Variants in DOCK2 observed in about 807,000 individuals in gnomAD.
DOCK2 encodes dedicator of cytokinesis protein 2.
DOCK2 carries 87 observed loss-of-function variants against 248.9 expected under a neutral mutation model. That is an observed-to-expected ratio of 0.35 (90% CI 0.29 to 0.42). The LOEUF is 0.42. Ranked by LOEUF, DOCK2 falls within the 10% of genes least tolerant of loss-of-function variation. DOCK2 has a pLI of 1.00. For missense variants in DOCK2, 1,747 were observed against 2,300.2 expected (o/e 0.76, Z 4.92); for synonymous variants, 805 against 821.6 (o/e 0.98, Z 0.35).
intron 2 of DOCK2, among the ~76,000 whole-genome samples, chr5:169,663,854 T>A (rs952452930): frequency 6.6e-6 from 1 of 152,010 alleles, no homozygotes; most frequent in African/African-American, 2.4e-5. Context: ...CCTGGAGACA[T>A]TTTCCCTACT....
intron 25 of DOCK2, among the ~76,000 whole-genome samples, chr5:169,773,449 C>T (rs967355818): frequency 1.3e-5 from 2 of 150,432 alleles, no homozygotes; most frequent in East Asian, 2.0e-4. Context: ...ATAAACTCTT[C>T]GTGTGTGTGT....
At chr5:170,029,393 T>C (rs915494537) in intron 34 of DOCK2, among the ~76,000 whole-genome samples, 2 of 152,204 alleles carry the variant, frequency 1.3e-5, no homozygotes, top group Admixed American at 6.5e-5. Flanking sequence ...GGGTCGCTTG[T>C]ATATCTTTGG....
Position 169,899,801 on chromosome 5 carries a change from G to A in DOCK2, c.2799+58949G>A, listed in dbSNP as rs201478318. On this transcript the variant is annotated intron_variant, in intron 27 of 51. Transcript: ENST00000520908. ...ATGTGTTCACAGTGTTGTGCCTTTTGTTGACTCCATAAGTTTTTATTCTTA... is the reference window on the plus strand; with the variant it reads ...ATGTGTTCACAGTGTTGTGCCTTTTATTGACTCCATAAGTTTTTATTCTTA... Among the ~76,000 whole-genome samples the A allele has an allele frequency of 1.8e-4, 28 of 152,204 alleles. No individual in the cohort carries two copies. The East Asian group carries it at 3.9e-3, about 21-fold the overall frequency.
intron 27 of DOCK2, among the ~76,000 whole-genome samples, chr5:169,896,971 A>G (rs924378139): frequency 6.6e-6 from 1 of 152,260 alleles, no homozygotes; most frequent in African/African-American, 2.4e-5. Flanking sequence ...GAAAGGGAAT[A>G]TAGTAAGACA....
rs372147309 is a variant in DOCK2 at position 169,824,753 on chromosome 5, G to A, written c.2704-16004G>A. 1.9e-4 allele frequency among the ~76,000 whole-genome samples: 29 copies of A among 152,248 alleles called. No individual in the cohort carries two copies. In the East Asian group the frequency reaches 3.9e-3, roughly 20 times the overall value. ...CTAAAACACCAAAAGCAATGGCAACGAAAGCCAAAATTGACAAATGCAATC... is the reference window on the plus strand; with the variant it reads ...CTAAAACACCAAAAGCAATGGCAACAAAAGCCAAAATTGACAAATGCAATC... On this transcript the variant is annotated intron_variant, in intron 26 of 51. Transcript: ENST00000520908.
At chr5:169,861,983 G>T (rs1369312772) in intron 27 of DOCK2, among the ~76,000 whole-genome samples, 2 of 149,122 alleles carry the variant, frequency 1.3e-5, no homozygotes, top group East Asian at 2.0e-4. Flanking sequence ...ACATTTTCTA[G>T]TCCCAGTTTT....
chr5:169,983,944 A>G (rs572265547), intron 28 of DOCK2, among the ~76,000 whole-genome samples: 1 of 152,326 alleles, frequency 6.6e-6, no homozygotes, highest in South Asian at 2.1e-4. Flanking sequence ...AAGAAATGGA[A>G]CTTTTCCCTC....
intron 33 of DOCK2, 97 bp downstream of exon 33, chr5:170,019,205 G>C (rs1032162043): frequency 6.8e-5 from 107 of 1,568,650 alleles, no homozygotes; most frequent in Non-Finnish European, 7.1e-5. Context: ...GCTTCATTGA[G>C]AGGCTCGGCG....
At chr5:169,777,838 G>T (rs1020781957) in intron 25 of DOCK2, among the ~76,000 whole-genome samples, 4 of 152,178 alleles carry the variant, frequency 2.6e-5, no homozygotes, top group African/African-American at 9.7e-5. Flanking sequence ...ACTATTATTT[G>T]CAGTCATCTG....
At chr5:170,004,583 C>G (rs1208845739) in intron 30 of DOCK2, among the ~76,000 whole-genome samples, 1 of 151,314 alleles carries the variant, frequency 6.6e-6, no homozygotes, top group Non-Finnish European at 1.5e-5. Context: ...ACCCAAATGA[C>G]TATAAATCAT....
intron 27 of DOCK2, chr5:169,881,249 A>G (rs1581348740): frequency 2.6e-6 from 2 of 782,608 alleles, no homozygotes; most frequent in South Asian, 3.3e-5. Context: ...TTAACATTTC[A>G]TAGTTAAATA....
chr5:170,079,261 C>T (rs941309562), intron 49 of DOCK2, 115 bp downstream of exon 49: 49 of 1,390,018 alleles, frequency 3.5e-5, no homozygotes, highest in Middle Eastern at 5.1e-4. Context: ...CACTGCGGTG[C>T]TATGGGTATT....
intron 10 of DOCK2, among the ~76,000 whole-genome samples, chr5:169,697,662 G>A (rs1336715758): frequency 6.6e-6 from 1 of 152,160 alleles, no homozygotes; most frequent in Non-Finnish European, 1.5e-5. Flanking sequence ...TCTAGATGCA[G>A]TCAGTGGTTG....
In DOCK2 at chr5:169,680,603, C is replaced by G. The variant is rs528104451; in HGVS notation, c.471-1141C>G. Among the ~76,000 whole-genome samples, 5 of 152,260 alleles carry G rather than the reference C, an allele frequency of 3.3e-5. No individual in the cohort carries two copies. In the South Asian group the frequency reaches 1.0e-3, roughly 32 times the overall value. ...GGGCATGGTGGCATGTGCCTGTAGT[C>G]CCAGCTGCTCAGGAGGCTGAGGTGG... On this transcript the variant is annotated intron_variant, in intron 6 of 51. Transcript: ENST00000520908.
intron 2 of DOCK2, among the ~76,000 whole-genome samples, chr5:169,665,001 T>A (rs1410890319): frequency 6.9e-6 from 1 of 145,850 alleles, no homozygotes; most frequent in Non-Finnish European, 1.5e-5. Flanking sequence ...TATATATAAG[T>A]ATCAGCATAT....
At chr5:169,959,589 G>A (rs544523300) in intron 27 of DOCK2, among the ~76,000 whole-genome samples, 4 of 152,286 alleles carry the variant, frequency 2.6e-5, no homozygotes, top group South Asian at 2.1e-4. Context: ...GCAAGCAGAG[G>A]TCACTGAATC....
chr5:169,970,553 C>T (rs1777465899), intron 27 of DOCK2, among the ~76,000 whole-genome samples: 2 of 152,174 alleles, frequency 1.3e-5, no homozygotes, highest in South Asian at 2.1e-4. Flanking sequence ...GGGGAAACCA[C>T]CCAACCTCTC....
chr5:169,864,550 A>G (rs1367257237), intron 27 of DOCK2: 1 of 1,054,810 alleles, frequency 9.5e-7, no homozygotes, highest in Non-Finnish European at 1.3e-6. Flanking sequence ...ATGGAAGAGC[A>G]TGAGCTTTGG....
intron 29 of DOCK2, among the ~76,000 whole-genome samples, chr5:169,991,848 C>T (rs1052840738): frequency 6.6e-6 from 1 of 152,228 alleles, no homozygotes; most frequent in Non-Finnish European, 1.5e-5. Context: ...ATTATTTGCT[C>T]TTTCTAAGAC....
Sources: gnomAD v4.1 joint callset for allele counts (sites outside exome capture counted in the v4.1 genomes callset) on GRCh38, gnomAD v4.1.1 for gene constraint, MANE v1.5 for transcripts, NCBI Gene and HGNC (gene_info 2026-07-23, HGNC 2026-07-21) for gene names.